Variants in VPS13B observed in about 807,000 individuals in gnomAD.
The protein encoded by VPS13B is intermembrane lipid transfer protein VPS13B.
Under a neutral mutation model 426.4 loss-of-function variants are expected in VPS13B, and 285 were observed. The ratio of observed to expected loss-of-function variants is 0.67; its 90% CI spans 0.61 to 0.74. The LOEUF is 0.74. VPS13B is among the 30% of genes least tolerant of loss of function. The pLI is 0.00. For missense variants in VPS13B, 4,537 were observed against 4,782.6 expected (o/e 0.95, Z 1.51); for synonymous variants, 1,676 against 1,676.4 (o/e 1.00, Z 0.01).
chr8:99,531,596 T>TTA (rs1822939707), intron 30 of VPS13B, among the ~76,000 whole-genome samples: 1 of 152,032 alleles, frequency 6.6e-6, no homozygotes, highest in South Asian at 2.1e-4. Flanking sequence ...AGTATTTTTA[T>TTA]AAATTGTGGT....
intron 39 of VPS13B, among the ~76,000 whole-genome samples, chr8:99,729,876 C>G (rs1391425444): frequency 6.6e-6 from 1 of 152,130 alleles, no homozygotes; most frequent in African/African-American, 2.4e-5. Context: ...AGAAACTAGA[C>G]TTTTGCTGCT....
At chr8:99,456,076 G>A (rs1361506518) in intron 23 of VPS13B, among the ~76,000 whole-genome samples, 4 of 152,132 alleles carry the variant, frequency 2.6e-5, no homozygotes, top group African/African-American at 7.2e-5. Flanking sequence ...TCTTGTGATC[G>A]ATTTGTTAGG....
intron 20 of VPS13B, among the ~76,000 whole-genome samples, chr8:99,389,280 G>T (rs1026468926): frequency 6.6e-6 from 1 of 152,064 alleles, no homozygotes; most frequent in Admixed American, 6.5e-5. Flanking sequence ...AAAACTTTGT[G>T]CTTTCATTAG....
intron 3 of VPS13B, among the ~76,000 whole-genome samples, chr8:99,040,389 A>G (rs997681215): frequency 2.0e-5 from 3 of 152,206 alleles, no homozygotes; most frequent in African/African-American, 7.2e-5. Flanking sequence ...CACTCTCAAA[A>G]CAAGTATTTT....
chr8:99,440,717 T>C (rs1817639385), intron 22 of VPS13B, among the ~76,000 whole-genome samples: 1 of 152,108 alleles, frequency 6.6e-6, no homozygotes, highest in Non-Finnish European at 1.5e-5. Context: ...ATTTTTAAAT[T>C]AGTGAAATTA....
Position 99,699,622 on chromosome 8 carries a change from A to G in VPS13B, c.6144A>G (p.Ala2048=), listed in dbSNP as rs940449954. ...TTTTTTTAAAGAAGATAAAAAATGCACACAGTTTGGCACATAGTGAAGAGA... is the reference window on the plus strand; with the variant it reads ...TTTTTTTAAAGAAGATAAAAAATGCGCACAGTTTGGCACATAGTGAAGAGA... ...INLFLKKIKN[A]HSLAHSEETS... The change falls in exon 36 of 62, where the codon GCA becomes GCG. Residue 2048 remains alanine, a synonymous_variant. Transcript: ENST00000357162. 6.2e-7 allele frequency: 1 copy of G among 1,614,152 alleles called. No homozygotes were observed. The highest frequency in any genetic ancestry group is 8.5e-7 in the Non-Finnish European group (1 of 1,180,012).
intron 16 of VPS13B, among the ~76,000 whole-genome samples, chr8:99,170,703 C>T (rs947793256): frequency 2.0e-5 from 3 of 151,584 alleles, no homozygotes; most frequent in East Asian, 1.9e-4. Context: ...TCCTTAAATT[C>T]GGAGAGATTT....
rs998109338 is a variant in VPS13B, at chr8:99,702,300, A to C, written c.6454+2368A>C. 2.4e-4 allele frequency among the ~76,000 whole-genome samples: 37 copies of C among 152,280 alleles called. 1 individual carries two copies. Among genetic ancestry groups the C allele is most frequent in the African/African-American group, 8.7e-4 (36 of 41,578 alleles). On this transcript the variant is annotated intron_variant, in intron 36 of 61. Transcript: ENST00000357162. The stretch of plus-strand genomic sequence containing the variant: ...GTCAGATTTTTATAGTTTGAATCTA[A>C]TACAGAAATACTTAACTGTGTCTTT...
chr8:99,097,038 G>A, intron 4 of VPS13B, among the ~76,000 whole-genome samples: 1 of 152,094 alleles, frequency 6.6e-6, no homozygotes, highest in Non-Finnish European at 1.5e-5. Flanking sequence ...TCCCCAGGCT[G>A]GAAGTGATAC....
intron 17 of VPS13B, among the ~76,000 whole-genome samples, chr8:99,210,985 C>T (rs528818793): frequency 1.1e-4 from 16 of 152,294 alleles, no homozygotes; most frequent in South Asian, 1.0e-3. Context: ...TGAGAACTAT[C>T]TCAGGTGACA....
chr8:99,166,655 A>G (rs1175135325), intron 15 of VPS13B, among the ~76,000 whole-genome samples: 1 of 152,186 alleles, frequency 6.6e-6, no homozygotes, highest in Non-Finnish European at 1.5e-5. Context: ...CTTTCTACAC[A>G]TTTTCAGTGC....
At chr8:99,681,648 A>G (rs185337072) in intron 35 of VPS13B, among the ~76,000 whole-genome samples, 1 of 152,204 alleles carries the variant, frequency 6.6e-6, no homozygotes, top group African/African-American at 2.4e-5. Flanking sequence ...AGCCTAGGCA[A>G]CAGACCAAGA....
At chr8:99,495,707 C>T (rs560446933) in intron 25 of VPS13B, among the ~76,000 whole-genome samples, 1 of 152,190 alleles carries the variant, frequency 6.6e-6, no homozygotes, top group African/African-American at 2.4e-5. Context: ...GTCCTTAAAC[C>T]TACTTGCACT....
chr8:99,799,831 T>G (rs1388858303), intron 43 of VPS13B, among the ~76,000 whole-genome samples: 1 of 152,218 alleles, frequency 6.6e-6, no homozygotes, highest in Non-Finnish European at 1.5e-5. Flanking sequence ...GTTTCTCTAT[T>G]GTTTGTATTT....
At chr8:99,644,362 T>G (rs1829492628) in intron 34 of VPS13B, among the ~76,000 whole-genome samples, 1 of 152,178 alleles carries the variant, frequency 6.6e-6, no homozygotes, top group Non-Finnish European at 1.5e-5. Context: ...CCAAATCATG[T>G]GTTTATACAT....
At chr8:99,871,250 T>C (rs537053464) in intron 60 of VPS13B, 198 bp from the exon 61 acceptor site, 1 of 819,322 alleles carries the variant, frequency 1.2e-6, no homozygotes, top group African/African-American at 1.7e-5. Context: ...GGGAAATCTT[T>C]GTTCCCAGGA....
chr8:99,503,356 T>G (rs988493479), intron 27 of VPS13B, among the ~76,000 whole-genome samples: 3 of 152,050 alleles, frequency 2.0e-5, no homozygotes, highest in Non-Finnish European at 4.4e-5. Context: ...CTGATCGGGG[T>G]GGTGGTTGCT....
intron 29 of VPS13B, among the ~76,000 whole-genome samples, chr8:99,516,417 G>A (rs1487023): frequency 0.017 from 2,529 of 152,182 alleles, 63 homozygotes; most frequent in African/African-American, 0.058. Context: ...GTAAGTTGGA[G>A]TCAAGAGTAT....
chr8:99,545,972 C>T (rs1185334845), intron 30 of VPS13B, among the ~76,000 whole-genome samples: 1 of 151,968 alleles, frequency 6.6e-6, no homozygotes, highest in Non-Finnish European at 1.5e-5. Flanking sequence ...TATCTTTATT[C>T]TGATTAATTT....
Sources: gnomAD v4.1 joint callset for allele counts (sites outside exome capture counted in the v4.1 genomes callset) on GRCh38, gnomAD v4.1.1 for gene constraint, MANE v1.5 for transcripts, NCBI Gene and HGNC (gene_info 2026-07-23, HGNC 2026-07-21) for gene names.